The following ARHGEF3 variants were observed in gnomAD, a reference collection of about 807,000 sequenced individuals.
ARHGEF3 encodes Rho guanine nucleotide exchange factor 3.
Under a neutral mutation model 63.2 loss-of-function variants are expected in ARHGEF3, and 28 were observed. That is an observed-to-expected ratio of 0.44 (90% CI 0.33 to 0.61). The LOEUF (loss-of-function observed/expected upper bound fraction) is 0.61. ARHGEF3 is among the 20% of genes least tolerant of loss of function. The pLI is 0.03. For synonymous variants in ARHGEF3, 266 were observed against 254.2 expected, an observed-to-expected ratio of 1.05 and a Z score of -0.44; for missense variants, 533 against 659.3, an observed-to-expected ratio of 0.81 and a Z score of 2.10.
chr3:57,062,419 C>A (rs1028138855), intron 1 of ARHGEF3, among the ~76,000 whole-genome samples: 1 of 152,222 alleles, frequency 6.6e-6, no homozygotes, highest in Non-Finnish European at 1.5e-5. Flanking sequence ...CCACAGCCCC[C>A]ACTCGGGCTC....
At chr3:56,949,363 T>C (rs1037330926) in intron 3 of ARHGEF3, among the ~76,000 whole-genome samples, 6 of 151,862 alleles carry the variant, frequency 4.0e-5, no homozygotes, top group African/African-American at 4.8e-5. Flanking sequence ...GATGACATGA[T>C]TGTATATCTA....
At chr3:57,045,182 G>C (rs1204666252) in intron 1 of ARHGEF3, among the ~76,000 whole-genome samples, 1 of 152,164 alleles carries the variant, frequency 6.6e-6, no homozygotes, top group Non-Finnish European at 1.5e-5. Context: ...CAGGAGAATC[G>C]CTTGAACCTA....
Position 56,753,585 on chromosome 3 carries a change from A to T in ARHGEF3, c.376-19T>A, listed in dbSNP as rs1422428451. The T allele has an allele frequency of 1.2e-6, 2 of 1,608,946 alleles. No homozygotes were observed. Among genetic ancestry groups the T allele is most frequent in the Non-Finnish European group, 1.7e-6 (2 of 1,176,338 alleles). ...AGATCGCCTGCAAGGAAAGATAAAC[A>T]TATTCACTGAATTCTCCCTTCATTT... On this transcript the variant is annotated intron_variant, in intron 3 of 9. Transcript: ENST00000296315.
chr3:56,849,136 C>T (rs954743331), intron 4 of ARHGEF3, among the ~76,000 whole-genome samples: 10 of 152,138 alleles, frequency 6.6e-5, no homozygotes, highest in African/African-American at 1.2e-4. Context: ...CTCCTGCTGA[C>T]GTGAGAGCAG....
intron 3 of ARHGEF3, among the ~76,000 whole-genome samples, chr3:56,913,512 G>A (rs1275185040): frequency 6.6e-6 from 1 of 152,184 alleles, no homozygotes; most frequent in Non-Finnish European, 1.5e-5. Flanking sequence ...AATTAGAAGT[G>A]TTGGTGAGGA....
rs150631140 is a variant in ARHGEF3 at position 56,978,349 on chromosome 3, G to C, written c.63-19460C>G. The stretch of plus-strand genomic sequence containing the variant: ...AGGTTAGGATTGATCCGGGGAACTT[G>C]CATGTGCCATGTCACACGTTCCTAC... On this transcript the variant is annotated intron_variant, in intron 2 of 12. Coordinates refer to the ARHGEF3 transcript ENST00000338458. Among the ~76,000 whole-genome samples, 53 of 152,310 alleles carry C rather than the reference G, an allele frequency of 3.5e-4. No individual in the cohort carries two copies. In the East Asian group the frequency reaches 9.8e-3, roughly 28 times the overall value.
At chr3:56,825,210 G>C (rs1165897173) in intron 4 of ARHGEF3, among the ~76,000 whole-genome samples, 1 of 152,226 alleles carries the variant, frequency 6.6e-6, no homozygotes, top group Non-Finnish European at 1.5e-5. Context: ...ACAGTGCCAG[G>C]CATGGTAAAC....
At position 56,728,903 on chromosome 3, in the gene ARHGEF3, A is replaced by G. The variant is rs1348705746; in HGVS notation, c.*367T>C. The G allele has an allele frequency of 5.2e-6, 1 of 191,000 alleles. No homozygotes were observed. The highest frequency in any genetic ancestry group is 2.3e-5 in the African/African-American group (1 of 42,674). The allele number at this position is 191,000 out of a possible 1,614,324, so 11.8% of individuals were successfully genotyped here. ...TTAGCTACCACATCTAAGAGCTGGGAAAGTGGTACAGAAGCACAAGAGGAA... is the reference window on the plus strand; with the variant it reads ...TTAGCTACCACATCTAAGAGCTGGGGAAGTGGTACAGAAGCACAAGAGGAA... On this transcript the variant is annotated 3_prime_UTR_variant, in exon 10 of 10. Coordinates refer to ENST00000296315, the MANE Select transcript of ARHGEF3 (RefSeq NM_019555.3).
chr3:57,026,755 TGCCCATCAGAG>T (rs1703492727), intron 2 of ARHGEF3, among the ~76,000 whole-genome samples: 1 of 152,222 alleles, frequency 6.6e-6, no homozygotes, highest in Admixed American at 6.5e-5. Flanking sequence ...CTGAGTGCTG[TGCCCATCAGAG>T]GCCACCTGGT....
chr3:56,974,018 G>T lies in ARHGEF3; in HGVS notation c.63-15129C>A, dbSNP rs1264668151. Among the ~76,000 whole-genome samples, 5 of 152,218 alleles carry T rather than the reference G, an allele frequency of 3.3e-5. No homozygotes were observed. The East Asian group carries it at 9.7e-4, about 29-fold the overall frequency. On this transcript the variant is annotated intron_variant, in intron 2 of 12. Transcript: ENST00000338458. ...GGAGAATTGCTTGTGCCCAGGAGGT[G>T]GAGGTTGCAGTGAGCTATGATCGCA...
Position 57,000,310 on chromosome 3 carries a change from C to CACACACA in ARHGEF3, c.62+34777_62+34778insTGTGTGT, listed in dbSNP as rs1560120499. ...AAGTCCTTTTTTTAGAGGGTAACTCCCACACACACACACACACACACACAC... is the reference window on the plus strand; with the variant it reads ...AAGTCCTTTTTTTAGAGGGTAACTCCACACACACACACACACACACACACACACACAC... On this transcript the variant is annotated intron_variant, in intron 2 of 12. Transcript: ENST00000338458. Among the ~76,000 whole-genome samples the CACACACA allele has an allele frequency of 1.0e-2, 1,391 of 139,254 alleles. 22 individuals carry two copies. Among genetic ancestry groups the CACACACA allele is most frequent in the African/African-American group, 0.016 (597 of 36,392 alleles). The allele number at this position is 139,254 out of a possible 152,430, so 91.4% of individuals were successfully genotyped here.
At chr3:56,779,498 T>G (rs565857771) in intron 1 of ARHGEF3, among the ~76,000 whole-genome samples, 13 of 151,846 alleles carry the variant, frequency 8.6e-5, no homozygotes, top group Non-Finnish European at 1.9e-4. Flanking sequence ...TTTTTTTTTT[T>G]GTTTGTTTTT....
chr3:57,016,418 G>A (rs561635172), intron 2 of ARHGEF3, among the ~76,000 whole-genome samples: 10 of 151,932 alleles, frequency 6.6e-5, no homozygotes, highest in Non-Finnish European at 1.2e-4. Flanking sequence ...GCGTGATGGT[G>A]GGCGCCTATA....
At chr3:57,042,486 A>G (rs1704227394) in intron 1 of ARHGEF3, among the ~76,000 whole-genome samples, 1 of 151,526 alleles carries the variant, frequency 6.6e-6, no homozygotes, top group Non-Finnish European at 1.5e-5. Flanking sequence ...TCAATGGTGC[A>G]CATCTCTTTC....
In ARHGEF3 at chr3:56,801,930, T is replaced by C. The variant is rs998802303; in HGVS notation, c.-132A>G. The C allele has an allele frequency of 2.0e-6, 3 of 1,532,812 alleles. No homozygotes were observed. The highest frequency in any genetic ancestry group is 5.0e-5 in the East Asian group (2 of 40,336). 95.0% of individuals were successfully genotyped at this position (1,532,812 alleles called of 1,614,324 possible). On this transcript the variant is annotated 5_prime_UTR_variant, in exon 1 of 10. Transcript: ENST00000296315. Reference sequence around the variant, plus strand: ...GACACGGAGACCGACAGCCGGCTTCTAGCCGGGCAGGACTCGACTGGGCTC... The same window carrying C: ...GACACGGAGACCGACAGCCGGCTTCCAGCCGGGCAGGACTCGACTGGGCTC...
At chr3:56,875,429 C>G (rs2040554430) in intron 4 of ARHGEF3, among the ~76,000 whole-genome samples, 1 of 152,198 alleles carries the variant, frequency 6.6e-6, no homozygotes, top group South Asian at 2.1e-4. Flanking sequence ...ATTCACCCAT[C>G]CTAGACATAT....
intron 3 of ARHGEF3, among the ~76,000 whole-genome samples, chr3:56,886,984 C>A (rs1226062471): frequency 2.0e-5 from 3 of 152,276 alleles, no homozygotes; most frequent in East Asian, 3.9e-4. Context: ...AGGTGTTGAG[C>A]ATGAGGAATA....
intron 4 of ARHGEF3, among the ~76,000 whole-genome samples, chr3:56,809,920 A>T (rs2038003611): frequency 1.3e-5 from 2 of 152,056 alleles, no homozygotes; most frequent in South Asian, 4.2e-4. Context: ...TTTAGGAAAG[A>T]CTGGGTTTCA....
At chr3:56,809,094 C>G (rs983193942) in intron 4 of ARHGEF3, among the ~76,000 whole-genome samples, 2 of 152,156 alleles carry the variant, frequency 1.3e-5, no homozygotes, top group Non-Finnish European at 2.9e-5. Context: ...AGAAGAAATG[C>G]TTGAGTGCCA....
Sources: allele counts gnomAD v4.1 joint callset (sites outside exome capture counted in the v4.1 genomes callset), GRCh38; gene constraint gnomAD v4.1.1; transcripts MANE v1.5; gene names NCBI Gene and HGNC (gene_info 2026-07-23, HGNC 2026-07-21).